The following CUX2 variants were observed in gnomAD, a reference collection of about 807,000 sequenced individuals.
The protein encoded by CUX2 is homeobox protein cut-like 2.
CUX2 carries 40 observed loss-of-function variants against 144.8 expected under a neutral mutation model. That is an observed-to-expected ratio of 0.28 (90% CI 0.21 to 0.36). The LOEUF (loss-of-function observed/expected upper bound fraction) is 0.36. Ranked by LOEUF, CUX2 falls within the 10% of genes least tolerant of loss-of-function variation. The pLI is 1.00. For synonymous variants in CUX2, 827 were observed against 875.6 expected (o/e 0.94, Z 0.98); for missense variants, 1,615 against 1,994.0 (o/e 0.81, Z 3.62).
chr12:111,180,991 T>C (rs1220345487), intron 1 of CUX2, among the ~76,000 whole-genome samples: 1 of 152,256 alleles, frequency 6.6e-6, no homozygotes, highest in African/African-American at 2.4e-5. Flanking sequence ...GCCTTCATAC[T>C]ACAGGGTCCC....
At chr12:111,269,585 T>C (rs1356353003) in intron 4 of CUX2, among the ~76,000 whole-genome samples, 1 of 152,132 alleles carries the variant, frequency 6.6e-6, no homozygotes, top group Non-Finnish European at 1.5e-5. Context: ...GCATGTCTAG[T>C]GCTTGGGGGT....
chr12:111,342,067 G>A lies in CUX2; in HGVS notation c.3659+14G>A. 3 of 1,600,048 alleles carry A rather than the reference G, an allele frequency of 1.9e-6. No homozygotes were observed. The highest frequency in any genetic ancestry group is 2.6e-6 in the Non-Finnish European group (3 of 1,172,070). ...CCACAACTACAGGTGGGACTATGGG[G>A]GCGTACCCACAGGCGGGTGGCAGAA... On this transcript the variant is annotated intron_variant, in intron 21 of 21. Coordinates refer to ENST00000261726, the MANE Select transcript of CUX2 (RefSeq NM_015267.4).
At chr12:111,268,472 G>A (rs1036829054) in intron 4 of CUX2, among the ~76,000 whole-genome samples, 2 of 152,230 alleles carry the variant, frequency 1.3e-5, no homozygotes, top group African/African-American at 2.4e-5. Flanking sequence ...CGTTCAGCCA[G>A]TACACATGTG....
Position 111,039,882 on chromosome 12 carries a change from C to G in CUX2, c.63+5642C>G, listed in dbSNP as rs1045992606. 3.9e-5 allele frequency among the ~76,000 whole-genome samples: 6 copies of G among 152,126 alleles called. No homozygotes were observed. The highest frequency in any genetic ancestry group is 1.4e-4 in the African/African-American group (6 of 41,422). ...GTGGTGGGGCTATTGACCTTTTAAG[C>G]AATATTTTTGAAACAAAAAATTATG... On this transcript the variant is annotated intron_variant, in intron 1 of 21. Transcript: ENST00000261726. The surrounding 1 kb of genome is among the most constrained non-coding windows in gnomAD (Gnocchi z 4.2).
chr12:111,273,170 C>A (rs911001123), intron 4 of CUX2, among the ~76,000 whole-genome samples: 1 of 152,146 alleles, frequency 6.6e-6, no homozygotes, highest in African/African-American at 2.4e-5. Flanking sequence ...GGATGGCTGG[C>A]AGAGGCCTCA....
At chr12:111,292,877 C>T (rs894820428) in intron 5 of CUX2, among the ~76,000 whole-genome samples, 2 of 152,154 alleles carry the variant, frequency 1.3e-5, no homozygotes, top group African/African-American at 4.8e-5. Context: ...AATCCCAGCA[C>T]TTTGGGAGGC....
intron 1 of CUX2, among the ~76,000 whole-genome samples, chr12:111,069,291 A>G (rs1349894991): frequency 2.0e-5 from 3 of 152,150 alleles, no homozygotes; most frequent in Non-Finnish European, 2.9e-5. Context: ...ACCCTGGCTG[A>G]CCCTTCCTCT....
intron 1 of CUX2, among the ~76,000 whole-genome samples, chr12:111,145,980 C>G (rs922995045): frequency 1.3e-5 from 2 of 152,192 alleles, no homozygotes; most frequent in African/African-American, 4.8e-5. Context: ...GCTGGGATTA[C>G]AGGTGTGAGC....
At chr12:111,292,618 C>T (rs1199222781) in intron 5 of CUX2, among the ~76,000 whole-genome samples, 1 of 151,964 alleles carries the variant, frequency 6.6e-6, no homozygotes, top group Non-Finnish European at 1.5e-5. Flanking sequence ...AAACATGGTG[C>T]TGAGTGGAAA....
chr12:111,235,023 T>G (rs997318767), intron 3 of CUX2, among the ~76,000 whole-genome samples: 34 of 152,076 alleles, frequency 2.2e-4, no homozygotes, highest in Admixed American at 5.2e-4. Context: ...CCAGCCCACT[T>G]CCTCTCTTTC....
At chr12:111,143,344 C>T (rs777310250) in intron 1 of CUX2, among the ~76,000 whole-genome samples, 1 of 152,140 alleles carries the variant, frequency 6.6e-6, no homozygotes, top group Non-Finnish European at 1.5e-5. Flanking sequence ...ATGCGGGTGT[C>T]GGAGGTTAAA....
At position 111,186,941 on chromosome 12, in the gene CUX2, G is replaced by A. The variant is rs752224789; in HGVS notation, c.64-27259G>A. 6.6e-6 allele frequency among the ~76,000 whole-genome samples: 1 copy of A among 152,050 alleles called. No individual in the cohort carries two copies. The highest frequency in any genetic ancestry group is 1.5e-5 in the Non-Finnish European group (1 of 68,000). On this transcript the variant is annotated intron_variant, in intron 1 of 21. Transcript: ENST00000261726. This position sits in a 1 kb window ranked among gnomAD's most constrained non-coding sequence, Gnocchi z 4.4. ...TTACAGGCACGTGCCACCATGCCTG[G>A]CTAATTTTTGTATTTTTGGTAGAGA...
At chr12:111,047,116 G>A (rs1340072699) in intron 1 of CUX2, among the ~76,000 whole-genome samples, 2 of 152,134 alleles carry the variant, frequency 1.3e-5, no homozygotes, top group African/African-American at 2.4e-5. Context: ...AGCACCACCC[G>A]GCCATCCATC....
intron 3 of CUX2, among the ~76,000 whole-genome samples, chr12:111,238,758 G>T (rs1166845443): frequency 6.6e-6 from 1 of 152,116 alleles, no homozygotes. Context: ...TCAAAAGGTG[G>T]CTCTGGCCAG....
chr12:111,325,563 A>G (rs1887737541), intron 18 of CUX2, among the ~76,000 whole-genome samples: 1 of 149,070 alleles, frequency 6.7e-6, no homozygotes, highest in Admixed American at 6.7e-5. Context: ...GGGTCCCGAA[A>G]TGTGTCTACC....
At chr12:111,299,640 T>C (rs958448205) in intron 9 of CUX2, among the ~76,000 whole-genome samples, 1 of 152,206 alleles carries the variant, frequency 6.6e-6, no homozygotes, top group Non-Finnish European at 1.5e-5. Flanking sequence ...GTCCAGCATA[T>C]TTTTCTGAAA....
chr12:111,224,846 G>T (rs1483613914), intron 3 of CUX2, among the ~76,000 whole-genome samples: 1 of 152,104 alleles, frequency 6.6e-6, no homozygotes, highest in Admixed American at 6.6e-5. Flanking sequence ...CTGTTTCCTG[G>T]CTGTGTGACC....
intron 2 of CUX2, among the ~76,000 whole-genome samples, chr12:111,216,110 G>C (rs1187352253): frequency 2.6e-5 from 4 of 152,340 alleles, no homozygotes; most frequent in African/African-American, 9.6e-5. Flanking sequence ...TGAAGCAGAT[G>C]AGGCGGCATG....
chr12:111,293,133 AAAAAAT>A lies in CUX2; in HGVS notation c.437-307_437-302del, dbSNP rs1885780601. Among the ~76,000 whole-genome samples the A allele has an allele frequency of 6.6e-6, 1 of 152,082 alleles. No homozygotes were observed. The highest frequency in any genetic ancestry group is 2.1e-4 in the South Asian group (1 of 4,824). On this transcript the variant is annotated intron_variant, in intron 5 of 21. Transcript: ENST00000261726. The surrounding 1 kb of genome is among the most constrained non-coding windows in gnomAD (Gnocchi z 4.5). ...AACAGACCAAGACTCCGTCTCAAAA[AAAAAAT>A]AAAAAATAAAAAAAGGTGAATTTTA...
Sources: gnomAD v4.1 joint callset for allele counts (sites outside exome capture counted in the v4.1 genomes callset) on GRCh38, gnomAD v4.1.1 for gene constraint, Gnocchi (gnomAD v3.1) non-coding constraint, MANE v1.5 for transcripts, NCBI Gene and HGNC (gene_info 2026-07-23, HGNC 2026-07-21) for gene names.